ACSF3: variants seen among roughly 807,000 people sequenced by gnomAD.
The protein encoded by ACSF3 is malonate--CoA ligase ACSF3, mitochondrial.
ACSF3 carries 78 observed loss-of-function variants against 53.2 expected under a neutral mutation model. The ratio of observed to expected loss-of-function variants is 1.47; its 90% confidence interval spans 1.22 to 1.77. The LOEUF (loss-of-function observed/expected upper bound fraction) is 1.77, where lower values mean the gene tolerates loss of function less well. Among genes scored for constraint, ACSF3 ranks in the 40% most tolerant of loss-of-function variants. ACSF3 has a pLI of 0.00. For synonymous variants in ACSF3, 414 were observed against 333.1 expected (o/e 1.24, Z -2.65); for missense variants, 937 against 771.1 (o/e 1.22, Z -2.55).
At chr16:89,105,874 C>A (rs1251010258) in intron 4 of ACSF3, among the ~76,000 whole-genome samples, 2 of 152,214 alleles carry the variant, frequency 1.3e-5, no homozygotes, top group Non-Finnish European at 2.9e-5. Flanking sequence ...GAGTGTGTTA[C>A]CCTCAGGGCG....
chr16:89,154,602 G>T lies in ACSF3; in HGVS notation c.*395G>T, dbSNP rs1444360919. The T allele has an allele frequency of 2.2e-6, 1 of 456,372 alleles. No individual in the cohort carries two copies. Among genetic ancestry groups the T allele is most frequent in the Non-Finnish European group, 4.4e-6 (1 of 228,656 alleles). 28.3% of individuals were successfully genotyped at this position (456,372 alleles called of 1,614,324 possible). On this transcript the variant is annotated 3_prime_UTR_variant, in exon 11 of 11. Coordinates refer to ENST00000614302, the MANE Select transcript of ACSF3 (RefSeq NM_001243279.3). ...TGGAGGAAACAAGCCCCTGTCCCAC[G>T]CCGTCTGCACGTGCCTGTGCCTCAC... is the stretch of plus-strand genomic sequence containing the variant.
chr16:89,098,468 G>T (rs566779276), intron 1 of ACSF3, 123 bp from the exon 2 acceptor site: 3 of 359,318 alleles, frequency 8.3e-6, no homozygotes, highest in Non-Finnish European at 1.7e-5. Context: ...AGCTTTATTT[G>T]ATAATGTTGT....
At chr16:89,094,740 TAAAA>T in intron 1 of ACSF3, among the ~76,000 whole-genome samples, 1 of 152,118 alleles carries the variant, frequency 6.6e-6, no homozygotes, top group Admixed American at 6.5e-5. Flanking sequence ...CAAAAAAATG[TAAAA>T]ATTAGCTGGG....
At chr16:89,134,281 A>T (rs898526478) in intron 8 of ACSF3, among the ~76,000 whole-genome samples, 5 of 152,172 alleles carry the variant, frequency 3.3e-5, no homozygotes, top group African/African-American at 9.7e-5. Flanking sequence ...GGTAAGTGTT[A>T]TAGCTCTATT....
intron 4 of ACSF3, among the ~76,000 whole-genome samples, chr16:89,104,489 C>T (rs1238384262): frequency 6.6e-6 from 1 of 152,202 alleles, no homozygotes; most frequent in Non-Finnish European, 1.5e-5. Context: ...TCTTTCTGGC[C>T]CCATCGAAGG....
Position 89,101,303 on chromosome 16 carries a change from AG to A in ACSF3, c.624del (p.Arg208SerfsTer6). 1 of 1,602,390 alleles carries A rather than the reference AG, an allele frequency of 6.2e-7. No homozygotes were observed. The highest frequency in any genetic ancestry group is 8.5e-7 in the Non-Finnish European group (1 of 1,175,104). On this transcript the variant is annotated frameshift_variant, in exon 3 of 11. Coordinates refer to ENST00000614302, the MANE Select transcript of ACSF3 (RefSeq NM_001243279.3). LOFTEE classifies it high-confidence loss of function. ...CATCTACACCAGTGGGACCACGGGG[AG>A]GCCCAAGGGCGTGCTGAGCACGCAC... ...MIIYTSGTTG[R>X]PKGVLSTHQN... is the part of the protein sequence containing the mutation.
chr16:89,116,976 G>A (rs1333137054), intron 6 of ACSF3, among the ~76,000 whole-genome samples: 3 of 152,154 alleles, frequency 2.0e-5, no homozygotes, highest in Non-Finnish European at 4.4e-5. Context: ...TGTCCTTATC[G>A]TTGTCCTTCT....
intron 7 of ACSF3, among the ~76,000 whole-genome samples, chr16:89,123,017 A>G (rs1907035155): frequency 6.6e-6 from 1 of 152,202 alleles, no homozygotes; most frequent in Non-Finnish European, 1.5e-5. Context: ...AGACCCTGCA[A>G]GGTGAAGCCG....
intron 8 of ACSF3, among the ~76,000 whole-genome samples, chr16:89,139,164 G>GT (rs1289394041): frequency 6.6e-6 from 1 of 152,194 alleles, no homozygotes; most frequent in Non-Finnish European, 1.5e-5. Flanking sequence ...AGACACTGAG[G>GT]TTTTTCCTCT....
intron 7 of ACSF3, among the ~76,000 whole-genome samples, chr16:89,125,698 A>AAG (rs56085364): frequency 0.011 from 1,584 of 147,962 alleles, 17 homozygotes; most frequent in African/African-American, 0.024. Flanking sequence ...CAAAAAAAAA[A>AAG]AGAGAGAGAG....
rs375187216 is a variant in ACSF3, at chr16:89,145,960, G to C, written c.1524G>C (p.Pro508=). 6.2e-7 allele frequency: 1 copy of C among 1,613,706 alleles called. No homozygotes were observed. Among genetic ancestry groups the C allele is most frequent in the Non-Finnish European group, 8.5e-7 (1 of 1,179,818 alleles). The stretch of plus-strand genomic sequence containing the variant: ...CAGATGTGGCTGTGATTGGAGTTCC[G>C]GATATGACATGGGGCCAGCGGGTCA... The part of the protein sequence containing the change: ...SITDVAVIGV[P]DMTWGQRVTA... The change falls in exon 10 of 11, where the codon CCG becomes CCC. Residue 508 remains proline (P), a synonymous_variant. Coordinates refer to ENST00000614302, the MANE Select transcript of ACSF3 (RefSeq NM_001243279.3).
chr16:89,100,893 T>G lies in ACSF3; in HGVS notation c.212T>G (p.Leu71Arg). The G allele has an allele frequency of 6.2e-7, 1 of 1,613,820 alleles. No individual in the cohort carries two copies. Among genetic ancestry groups the G allele is most frequent in the Non-Finnish European group, 8.5e-7 (1 of 1,180,026 alleles). ...DQHGRHTYRE[L>R]YSRSLRLSQE... is the part of the protein sequence containing the mutation. ...CACGGCCGCCACACGTACAGGGAGC[T>G]TTATTCCCGCAGCCTTCGCCTGTCC... Residue 71 changes from leucine (L) to arginine (R), a missense_variant, in exon 3 of 11, where the codon CTT becomes CGT. Coordinates refer to ENST00000614302, the MANE Select transcript of ACSF3 (RefSeq NM_001243279.3).
At position 89,100,907 on chromosome 16, in the gene ACSF3, C is replaced by T; in HGVS notation, c.226C>T (p.Leu76Phe). ...HTYRELYSRS[L>F]RLSQEICRLC... ...GTACAGGGAGCTTTATTCCCGCAGC[C>T]TTCGCCTGTCCCAGGAGATCTGCAG... Residue 76 changes from leucine to phenylalanine, a missense_variant, in exon 3 of 11, where the codon CTT (leucine) becomes TTT (phenylalanine). Coordinates refer to ENST00000614302, the MANE Select transcript of ACSF3 (RefSeq NM_001243279.3). 6.2e-7 allele frequency: 1 copy of T among 1,613,910 alleles called. No homozygotes were observed. The highest frequency in any genetic ancestry group is 8.5e-7 in the Non-Finnish European group (1 of 1,180,050).
chr16:89,100,381 C>G (rs539512244), intron 2 of ACSF3, among the ~76,000 whole-genome samples: 1 of 152,340 alleles, frequency 6.6e-6, no homozygotes, highest in Admixed American at 6.5e-5. Context: ...TATGCTTCTC[C>G]TTGGTTTTAC....
rs1172357944 is a variant in ACSF3, at chr16:89,127,826, T to G, written c.1240-5310T>G. 2.0e-5 allele frequency among the ~76,000 whole-genome samples: 3 copies of G among 152,206 alleles called. No individual in the cohort carries two copies. In the East Asian group the frequency reaches 5.8e-4, roughly 29 times the overall value. Reference sequence around the variant, plus strand: ...TAAGTTTCTTTATGTAGAGTTTCCCTTCAGGCCACGAAACCATTAAAAGGT... The same window carrying G: ...TAAGTTTCTTTATGTAGAGTTTCCCGTCAGGCCACGAAACCATTAAAAGGT... On this transcript the variant is annotated intron_variant, in intron 7 of 10. Transcript: ENST00000614302.
In ACSF3 at chr16:89,101,325, C is replaced by T. The variant is rs1218120771; in HGVS notation, c.644C>T (p.Thr215Met). Residue 215 changes from threonine to methionine, a missense_variant, in exon 3 of 11, where the codon ACG becomes ATG. Coordinates refer to ENST00000614302, the MANE Select transcript of ACSF3 (RefSeq NM_001243279.3). ...GGGAGGCCCAAGGGCGTGCTGAGCA[C>T]GCACCAAAACATCAGGGCTGTGGTG... is the stretch of plus-strand genomic sequence containing the variant. ...TTGRPKGVLS[T>M]HQNIRAVVTG... The T allele has an allele frequency of 1.1e-5, 18 of 1,592,672 alleles. No homozygotes were observed. The highest frequency in any genetic ancestry group is 3.4e-5 in the South Asian group (3 of 88,410).
In ACSF3 at chr16:89,100,474, G is replaced by T. The variant is rs1234130784; in HGVS notation, c.-20-188G>T. On this transcript the variant is annotated intron_variant, in intron 2 of 10. Coordinates refer to ENST00000614302, the MANE Select transcript of ACSF3 (RefSeq NM_001243279.3). ...GTGAAATAGAAAGCTGAGATGCTGG[G>T]CACGTACGGAACGTTCCAGCAGTGT... Among the ~76,000 whole-genome samples, 7 of 152,254 alleles carry T rather than the reference G, an allele frequency of 4.6e-5. No individual in the cohort carries two copies. In the South Asian group the frequency reaches 1.0e-3, roughly 22 times the overall value.
intron 7 of ACSF3, among the ~76,000 whole-genome samples, chr16:89,128,480 G>A (rs190651554): frequency 9.9e-5 from 15 of 151,832 alleles, no homozygotes; most frequent in Non-Finnish European, 1.5e-4. Flanking sequence ...GGCTGGTTTC[G>A]AACTCCTGAC....
chr16:89,141,567 G>A (rs112749374), intron 8 of ACSF3, among the ~76,000 whole-genome samples: 7 of 151,944 alleles, frequency 4.6e-5, no homozygotes, highest in African/African-American at 1.7e-4. Flanking sequence ...CCAGGAAGAT[G>A]CCAGGAACGT....
Sources: gnomAD v4.1 joint callset for allele counts (sites outside exome capture counted in the v4.1 genomes callset) on GRCh38, gnomAD v4.1.1 for gene constraint, MANE v1.5 for transcripts, NCBI Gene and HGNC (gene_info 2026-07-23, HGNC 2026-07-21) for gene names.